The following SMCO2 variants were observed in gnomAD, a reference collection of about 807,000 sequenced individuals.
SMCO2 encodes the protein single-pass membrane and coiled-coil domain-containing protein 2.
A neutral mutation model predicts 29.5 loss-of-function variants in SMCO2; 25 were observed. The observed-to-expected ratio is 0.85, with a 90% CI of 0.62 to 1.18. The LOEUF is 1.18. Ranked by LOEUF, SMCO2 falls within the 50% of genes most tolerant of loss-of-function variation. The pLI, the probability that SMCO2 is intolerant of heterozygous loss-of-function variation, is 0.00. For synonymous variants in SMCO2, 117 were observed against 123.3 expected, an observed-to-expected ratio of 0.95 and a Z score of 0.34; for missense variants, 348 against 344.5, an observed-to-expected ratio of 1.01 and a Z score of -0.08.
the SMCO2 span, among the ~76,000 whole-genome samples, chr12:27,445,198 G>A: frequency 2.6e-5 from 4 of 152,028 alleles, no homozygotes; most frequent in African/African-American, 9.6e-5. Context: ...GAAGGGGAGG[G>A]GAATAAAGGC....
intron 4 of SMCO2, 101 bp from the exon 5 acceptor site, chr12:27,475,481 A>T (rs1393713256): frequency 4.5e-6 from 6 of 1,334,776 alleles, no homozygotes; most frequent in Non-Finnish European, 5.9e-6. Context: ...GACAAGGAAG[A>T]CTAAACAGAT....
chr12:27,456,425 G>GA, the SMCO2 span, among the ~76,000 whole-genome samples: 1 of 152,024 alleles, frequency 6.6e-6, no homozygotes, highest in African/African-American at 2.4e-5. Context: ...TTCTTACAAT[G>GA]AAAAACTGTT....
chr12:27,430,170 G>A, the SMCO2 span, among the ~76,000 whole-genome samples: 2 of 152,026 alleles, frequency 1.3e-5, no homozygotes, highest in Admixed American at 1.3e-4. Context: ...TGTATATTCT[G>A]GTACTCGTTT....
chr12:27,477,250 G>A (rs1592207872), intron 4 of SMCO2, among the ~76,000 whole-genome samples: 2 of 108,124 alleles, frequency 1.8e-5, no homozygotes, highest in Non-Finnish European at 3.6e-5. Flanking sequence ...TCAGCACTTT[G>A]AATATATCAT....
chr12:27,425,677 G>T, the SMCO2 span, among the ~76,000 whole-genome samples: 13,399 of 152,178 alleles, frequency 0.088, 611 homozygotes, highest in South Asian at 0.13. Flanking sequence ...AGTGGAAAGA[G>T]AGCCTCTCTA....
At chr12:27,471,028 T>G (rs1185563378) in intron 2 of SMCO2, among the ~76,000 whole-genome samples, 1 of 152,204 alleles carries the variant, frequency 6.6e-6, no homozygotes, top group Non-Finnish European at 1.5e-5. Flanking sequence ...GTGGATTGTT[T>G]TATGGCTTCA....
At chr12:27,480,279 TG>T (rs1319105127) in intron 4 of SMCO2, among the ~76,000 whole-genome samples, 1 of 152,070 alleles carries the variant, frequency 6.6e-6, no homozygotes, top group Non-Finnish European at 1.5e-5. Flanking sequence ...ACACTGAGGG[TG>T]GGTCTTCCTC....
At chr12:27,475,481 A>G in intron 4 of SMCO2, 101 bp from the exon 5 acceptor site, 1 of 1,334,894 alleles carries the variant, frequency 7.5e-7, no homozygotes, top group Non-Finnish European at 9.8e-7. Context: ...GACAAGGAAG[A>G]CTAAACAGAT....
intron 6 of SMCO2, among the ~76,000 whole-genome samples, chr12:27,494,573 G>A (rs1462470960): frequency 6.7e-6 from 1 of 150,290 alleles, no homozygotes; most frequent in African/African-American, 2.4e-5. Context: ...TTGTTACATA[G>A]GTATACATGT....
chr12:27,489,054 T>TC (rs1397895748), intron 5 of SMCO2, among the ~76,000 whole-genome samples: 1 of 151,942 alleles, frequency 6.6e-6, no homozygotes. Flanking sequence ...CCACTTTCTT[T>TC]CCTTTTTTTT....
chr12:27,484,756 G>A (rs1949672855), intron 4 of SMCO2, among the ~76,000 whole-genome samples: 1 of 150,826 alleles, frequency 6.6e-6, no homozygotes, highest in African/African-American at 2.4e-5. Flanking sequence ...AGGAGGCTGA[G>A]GCAGGAGAAT....
At chr12:27,437,266 G>T in the SMCO2 span, among the ~76,000 whole-genome samples, 1 of 151,866 alleles carries the variant, frequency 6.6e-6, no homozygotes, top group African/African-American at 2.4e-5. Context: ...GAAAGACCTT[G>T]TCTCAAAAAA....
At chr12:27,483,869 G>A (rs1418024655) in intron 4 of SMCO2, among the ~76,000 whole-genome samples, 2 of 152,066 alleles carry the variant, frequency 1.3e-5, no homozygotes, top group South Asian at 2.1e-4. Context: ...TACTGTTGGC[G>A]TACATCTTAC....
At chr12:27,451,744 A>G in the SMCO2 span, among the ~76,000 whole-genome samples, 1 of 152,220 alleles carries the variant, frequency 6.6e-6, no homozygotes, top group Non-Finnish European at 1.5e-5. Context: ...GTTGCAAACA[A>G]ACTGTACGTA....
chr12:27,444,728 A>G, the SMCO2 span, among the ~76,000 whole-genome samples: 1 of 152,212 alleles, frequency 6.6e-6, no homozygotes, highest in South Asian at 2.1e-4. Flanking sequence ...ACCCTCATCC[A>G]CTATTGCTGG....
chr12:27,467,152 A>G (rs1019044089), intron 1 of SMCO2, among the ~76,000 whole-genome samples: 17 of 152,110 alleles, frequency 1.1e-4, no homozygotes, highest in African/African-American at 4.1e-4. Context: ...ATCCCCTCAC[A>G]ATGTAAGTTA....
intron 3 of SMCO2, among the ~76,000 whole-genome samples, chr12:27,473,273 A>T (rs1178210433): frequency 6.6e-6 from 1 of 152,126 alleles, no homozygotes; most frequent in African/African-American, 2.4e-5. Context: ...CCCCTAATGC[A>T]GCCTCCAGGA....
At chr12:27,479,357 G>A (rs1241437609) in intron 4 of SMCO2, among the ~76,000 whole-genome samples, 1 of 152,100 alleles carries the variant, frequency 6.6e-6, no homozygotes, top group Non-Finnish European at 1.5e-5. Context: ...CTGTCATCTG[G>A]CCCCAGGATG....
At chr12:27,467,672 G>A (rs902069347) in intron 1 of SMCO2, among the ~76,000 whole-genome samples, 1 of 152,110 alleles carries the variant, frequency 6.6e-6, no homozygotes, top group African/African-American at 2.4e-5. Context: ...AATTTTATGT[G>A]TAATAGTAGG....
Sources: allele counts gnomAD v4.1 joint callset (sites outside exome capture counted in the v4.1 genomes callset), GRCh38; gene constraint gnomAD v4.1.1; transcripts MANE v1.5; gene names NCBI Gene and HGNC (gene_info 2026-07-23, HGNC 2026-07-21).